GRM1: variants seen among roughly 807,000 people sequenced by gnomAD.
GRM1 encodes metabotropic glutamate receptor 1.
Under a neutral mutation model 90.9 loss-of-function variants are expected in GRM1, and 33 were observed. The observed-to-expected ratio is 0.36, with a 90% CI of 0.28 to 0.49. The LOEUF (loss-of-function observed/expected upper bound fraction) is 0.49, where lower values mean the gene tolerates loss of function less well. GRM1 is among the 20% of genes least tolerant of loss of function. The pLI is 0.99. For synonymous variants in GRM1, 700 were observed against 613.2 expected, an observed-to-expected ratio of 1.14 and a Z score of -2.09; for missense variants, 1,190 against 1,534.3, an observed-to-expected ratio of 0.78 and a Z score of 3.75.
chr6:146,104,159 A>G (rs1777142447), intron 1 of GRM1, among the ~76,000 whole-genome samples: 1 of 152,108 alleles, frequency 6.6e-6, no homozygotes, highest in Non-Finnish European at 1.5e-5. Flanking sequence ...AGTGGTTGCC[A>G]GCTGGGCGCG....
chr6:146,190,322 G>A (rs1451049515), intron 2 of GRM1, among the ~76,000 whole-genome samples: 1 of 152,166 alleles, frequency 6.6e-6, no homozygotes, highest in African/African-American at 2.4e-5. Context: ...GACTCCTCAA[G>A]CCAAGCTACT....
intron 2 of GRM1, 37 bp downstream of exon 2, chr6:146,159,634 CT>C (rs1411343555): frequency 3.2e-6 from 5 of 1,541,862 alleles, no homozygotes; most frequent in East Asian, 2.3e-5. Context: ...CTCTCTCTCT[CT>C]CTCTCTCACA....
intron 3 of GRM1, among the ~76,000 whole-genome samples, chr6:146,308,920 C>T (rs1204059881): frequency 6.6e-6 from 1 of 152,096 alleles, no homozygotes; most frequent in Admixed American, 6.5e-5. Context: ...TTTGCATTCA[C>T]ATAAGCTATA....
chr6:146,239,304 A>G (rs1240144514), intron 2 of GRM1, among the ~76,000 whole-genome samples: 1 of 152,126 alleles, frequency 6.6e-6, no homozygotes, highest in Non-Finnish European at 1.5e-5. Context: ...TCTTTGAGAT[A>G]TTTCCACTAA....
At chr6:146,072,904 A>G (rs1167771821) in intron 1 of GRM1, among the ~76,000 whole-genome samples, 5 of 152,102 alleles carry the variant, frequency 3.3e-5, no homozygotes, top group Non-Finnish European at 7.4e-5. Flanking sequence ...TTAATAAGAA[A>G]TGGGACTTGC....
intron 1 of GRM1, among the ~76,000 whole-genome samples, chr6:146,065,521 T>C (rs923741013): frequency 1.3e-5 from 2 of 152,216 alleles, no homozygotes; most frequent in Admixed American, 1.3e-4. Context: ...AGATAATACC[T>C]GGCACACAGT....
At chr6:146,406,656 C>A (rs747527398) in intron 7 of GRM1, among the ~76,000 whole-genome samples, 11 of 152,088 alleles carry the variant, frequency 7.2e-5, no homozygotes, top group Admixed American at 2.0e-4. Context: ...TGGCAAATCT[C>A]TGTCTCTACT....
chr6:146,339,488 G>A (rs362832), intron 3 of GRM1, among the ~76,000 whole-genome samples: 19,450 of 151,986 alleles, frequency 0.13, 1,760 homozygotes, highest in Middle Eastern at 0.2. Flanking sequence ...TTATATTACA[G>A]CTTTTATTCA....
intron 2 of GRM1, among the ~76,000 whole-genome samples, chr6:146,173,016 G>C (rs1005426273): frequency 1.3e-5 from 2 of 152,102 alleles, no homozygotes; most frequent in East Asian, 3.9e-4. Flanking sequence ...TGACTGGCTG[G>C]GTAAAAGTCT....
Position 146,179,997 on chromosome 6 carries a change from A to C in GRM1, c.950+20400A>C, listed in dbSNP as rs553666698. On this transcript the variant is annotated intron_variant, in intron 2 of 7. Transcript: ENST00000282753. The stretch of plus-strand genomic sequence containing the variant: ...TCTCCACAAAAAAATGTAAGAAAAA[A>C]ATTAACTGGAGTATGGTGGTGTGCA... Among the ~76,000 whole-genome samples the C allele has an allele frequency of 6.2e-4, 94 of 152,196 alleles. 1 individual carries two copies. The highest frequency in any genetic ancestry group is 1.3e-4 in the Non-Finnish European group (9 of 67,986).
intron 2 of GRM1, among the ~76,000 whole-genome samples, chr6:146,294,433 G>C (rs910731774): frequency 6.6e-6 from 1 of 151,930 alleles, no homozygotes. Flanking sequence ...ATGATGCTCA[G>C]AGATGTGGGC....
chr6:146,357,472 GT>G, intron 4 of GRM1, 53 bp from the exon 5 acceptor site: 1 of 1,452,352 alleles, frequency 6.9e-7, no homozygotes, highest in South Asian at 1.1e-5. Flanking sequence ...AACTTTCTTT[GT>G]TTTCTACATT....
intron 2 of GRM1, among the ~76,000 whole-genome samples, chr6:146,235,098 A>G (rs988780148): frequency 6.6e-6 from 1 of 152,060 alleles, no homozygotes; most frequent in African/African-American, 2.4e-5. Context: ...CTAACATTGT[A>G]GTGCAGGTCT....
Position 146,304,748 on chromosome 6 carries a change from C to G in GRM1, c.1088C>G (p.Thr363Arg). The G allele has an allele frequency of 6.2e-7, 1 of 1,613,954 alleles. No individual in the cohort carries two copies. The highest frequency in any genetic ancestry group is 8.5e-7 in the Non-Finnish European group (1 of 1,179,918). ...CTGAAACTGAGGCTGGACACTAACA[C>G]GAGGAATCCCTGGTTCCCTGAGTTC... ...YFLKLRLDTN[T>R]RNPWFPEFWQ... Residue 363 changes from threonine to arginine, a missense_variant, in exon 3 of 8, where the codon ACG becomes AGG. Coordinates refer to ENST00000282753, the MANE Select transcript of GRM1 (RefSeq NM_001278064.2).
intron 2 of GRM1, among the ~76,000 whole-genome samples, chr6:146,206,164 G>C (rs1583163547): frequency 6.6e-6 from 1 of 152,284 alleles, no homozygotes; most frequent in Non-Finnish European, 1.5e-5. Flanking sequence ...AATCTTTTCT[G>C]CTTTTGAGTT....
At chr6:146,255,527 T>C (rs1781447196) in intron 2 of GRM1, among the ~76,000 whole-genome samples, 1 of 152,144 alleles carries the variant, frequency 6.6e-6, no homozygotes, top group Admixed American at 6.6e-5. Context: ...ATTTGAAGCC[T>C]TCCTCCCTGA....
chr6:146,375,612 T>C (rs1287883932), intron 5 of GRM1, among the ~76,000 whole-genome samples: 2 of 152,062 alleles, frequency 1.3e-5, no homozygotes, highest in Non-Finnish European at 2.9e-5. Context: ...ATTGTTATAT[T>C]CTCCAGTTGA....
intron 2 of GRM1, among the ~76,000 whole-genome samples, chr6:146,262,671 A>G (rs1781746191): frequency 3.3e-5 from 5 of 151,946 alleles, no homozygotes; most frequent in Admixed American, 3.3e-4. Flanking sequence ...ACACATATAT[A>G]AACACAATAC....
intron 1 of GRM1, among the ~76,000 whole-genome samples, chr6:146,093,121 G>A (rs998759798): frequency 2.0e-5 from 3 of 152,064 alleles, no homozygotes; most frequent in African/African-American, 7.2e-5. Flanking sequence ...TAGAGCCCAT[G>A]TATATTGCTT....
Sources: allele counts gnomAD v4.1 joint callset (sites outside exome capture counted in the v4.1 genomes callset), GRCh38; gene constraint gnomAD v4.1.1; transcripts MANE v1.5; gene names NCBI Gene and HGNC (gene_info 2026-07-23, HGNC 2026-07-21).